SPHKAP: variants seen among roughly 807,000 people sequenced by gnomAD.
SPHKAP encodes A-kinase anchor protein SPHKAP.
A neutral mutation model predicts 137.5 loss-of-function variants in SPHKAP; 67 were observed. The ratio of observed to expected loss-of-function variants is 0.49; its 90% confidence interval spans 0.40 to 0.60. The LOEUF is 0.60. Ranked by LOEUF, SPHKAP falls within the 20% of genes least tolerant of loss-of-function variation. The pLI is 0.00. For missense variants in SPHKAP, 2,097 were observed against 2,069.3 expected, an observed-to-expected ratio of 1.01 and a Z score of -0.26; for synonymous variants, 813 against 785.3, an observed-to-expected ratio of 1.04 and a Z score of -0.59.
chr2:228,037,593 C>A lies in SPHKAP; in HGVS notation c.247-10050G>T, dbSNP rs970784113. 2.0e-5 allele frequency among the ~76,000 whole-genome samples: 3 copies of A among 152,280 alleles called. No individual in the cohort carries two copies. The East Asian group carries it at 5.8e-4, about 29-fold the overall frequency. ...GACCTGAAGCTACATAAATATATCT[C>A]ATGTAAACAGAACCCCCCTCAATTT... On this transcript the variant is annotated intron_variant, in intron 3 of 11. Transcript: ENST00000392056.
chr2:228,085,599 T>C (rs1333307044), intron 3 of SPHKAP, among the ~76,000 whole-genome samples: 3 of 152,182 alleles, frequency 2.0e-5, no homozygotes, highest in East Asian at 1.9e-4. Context: ...GGTCAACACA[T>C]GTCATATTAA....
chr2:228,134,656 T>C (rs1699379050), intron 1 of SPHKAP, among the ~76,000 whole-genome samples: 1 of 152,188 alleles, frequency 6.6e-6, no homozygotes, highest in Non-Finnish European at 1.5e-5. Context: ...GATAAGGCCA[T>C]GCACCAAGCT....
rs145592274 is a variant in SPHKAP at position 228,056,566 on chromosome 2, G to A, written c.247-29023C>T. On this transcript the variant is annotated intron_variant, in intron 3 of 11. Coordinates refer to ENST00000392056, the MANE Select transcript of SPHKAP (RefSeq NM_001142644.2). ...TTTTTCAGTTCAAAATCTGAACAAG[G>A]GGATAAAGTAAATGAGCAAAAAAAA... 2.3e-3 allele frequency among the ~76,000 whole-genome samples: 341 copies of A among 150,092 alleles called. 1 individual carries two copies. The highest frequency in any genetic ancestry group is 4.5e-3 in the Non-Finnish European group (308 of 67,732).
chr2:228,133,362 T>G, intron 1 of SPHKAP, among the ~76,000 whole-genome samples: 1 of 151,654 alleles, frequency 6.6e-6, no homozygotes, highest in Non-Finnish European at 1.5e-5. Context: ...ACTTCTACAT[T>G]TTCAACACGT....
Position 228,021,914 on chromosome 2 carries a change from G to C in SPHKAP, c.494C>G (p.Pro165Arg). The C allele has an allele frequency of 6.2e-7, 1 of 1,613,922 alleles. No individual in the cohort carries two copies. Among genetic ancestry groups the C allele is most frequent in the Non-Finnish European group, 8.5e-7 (1 of 1,179,930 alleles). The change falls in exon 6 of 12, where the codon CCA (proline) becomes CGA (arginine). Residue 165 changes from proline to arginine, a missense_variant. Coordinates refer to ENST00000392056, the MANE Select transcript of SPHKAP (RefSeq NM_001142644.2). Reference sequence around the variant, plus strand: ...AAAGATGATGCAGTTGGTACTGTTTGGTCTGTTCCCTCTTGCACATTGGAC... The same window carrying C: ...AAAGATGATGCAGTTGGTACTGTTTCGTCTGTTCCCTCTTGCACATTGGAC... ...CLVQCARGNR[P>R]NSTNCIIFEI... is the part of the protein sequence containing the mutation.
chr2:227,999,669 A>G (rs1386757279), intron 7 of SPHKAP, among the ~76,000 whole-genome samples: 2 of 152,254 alleles, frequency 1.3e-5, no homozygotes, highest in Non-Finnish European at 2.9e-5. Context: ...TTCATGCTCT[A>G]TTTAAAGTAA....
intron 3 of SPHKAP, among the ~76,000 whole-genome samples, chr2:228,089,668 C>T (rs1466772358): frequency 2.0e-5 from 3 of 152,180 alleles, no homozygotes; most frequent in Non-Finnish European, 4.4e-5. Flanking sequence ...CAGGGGCAGG[C>T]ACAGGGCACC....
chr2:228,108,824 G>A lies in SPHKAP; in HGVS notation c.246+8C>T. 1 of 1,596,424 alleles carries A rather than the reference G, an allele frequency of 6.3e-7. No individual in the cohort carries two copies. The highest frequency in any genetic ancestry group is 8.5e-7 in the Non-Finnish European group (1 of 1,170,212). On this transcript the variant is annotated splice_region_variant and intron_variant, in intron 3 of 11. Coordinates refer to ENST00000392056, the MANE Select transcript of SPHKAP (RefSeq NM_001142644.2). ...TCAGACAACATCCCAAGAATTCTGT[G>A]TACTTACAGAAGCACAGTTTTCAGA...
chr2:228,170,814 C>T (rs765447448), intron 1 of SPHKAP, among the ~76,000 whole-genome samples: 12 of 152,030 alleles, frequency 7.9e-5, no homozygotes, highest in African/African-American at 2.7e-4. Context: ...CCTACCATAT[C>T]GCTGGGGTAT....
chr2:228,016,815 A>G lies in SPHKAP; in HGVS notation c.4039T>C (p.Cys1347Arg), dbSNP rs141269145. Residue 1347 changes from cysteine (C) to arginine (R), a missense_variant, in exon 7 of 12, where the codon TGT becomes CGT. Transcript: ENST00000392056. ...SGGSPSQAEK[C>R]ANRLAASRMC... Reference sequence around the variant, plus strand: ...CTGCTCGCAGCTAATCTATTTGCACACTTCTCTGCTTGCGAGGGAGAGCCA... The same window carrying G: ...CTGCTCGCAGCTAATCTATTTGCACGCTTCTCTGCTTGCGAGGGAGAGCCA... 22 of 1,613,954 alleles carry G rather than the reference A, an allele frequency of 1.4e-5. No individual in the cohort carries two copies. Among genetic ancestry groups the G allele is most frequent in the East Asian group, 6.7e-5 (3 of 44,856 alleles).
chr2:228,039,215 C>T (rs898385795), intron 3 of SPHKAP, among the ~76,000 whole-genome samples: 3 of 152,210 alleles, frequency 2.0e-5, no homozygotes, highest in Admixed American at 6.5e-5. Flanking sequence ...CGAAAGAACA[C>T]GAGCACTTCT....
At chr2:228,059,541 G>A (rs1040665050) in intron 3 of SPHKAP, among the ~76,000 whole-genome samples, 2 of 152,204 alleles carry the variant, frequency 1.3e-5, no homozygotes, top group African/African-American at 4.8e-5. Context: ...AGGAGAGAGG[G>A]AGGGAAAGAA....
At chr2:228,094,419 A>G (rs1488609502) in intron 3 of SPHKAP, among the ~76,000 whole-genome samples, 2 of 152,194 alleles carry the variant, frequency 1.3e-5, no homozygotes, top group Non-Finnish European at 2.9e-5. Context: ...CGATTTCACA[A>G]ATGGAAGCTT....
At chr2:228,101,330 T>A (rs1698176159) in intron 3 of SPHKAP, among the ~76,000 whole-genome samples, 1 of 152,248 alleles carries the variant, frequency 6.6e-6, no homozygotes, top group Non-Finnish European at 1.5e-5. Flanking sequence ...CTGTTTAACA[T>A]ACATGTACAA....
At position 228,017,427 on chromosome 2, in the gene SPHKAP, C is replaced by T; in HGVS notation, c.3427G>A (p.Gly1143Arg). The change falls in exon 7 of 12, where the codon GGA becomes AGA. Residue 1143 changes from glycine (G) to arginine (R), a missense_variant. Coordinates refer to ENST00000392056, the MANE Select transcript of SPHKAP (RefSeq NM_001142644.2). The stretch of plus-strand genomic sequence containing the variant: ...TAGTAATCCAGCAGTAACTCAAATC[C>T]TCTCCCTTCATTTTCCATCTGGTTC... ...MVNQMENEGR[G>R]FELLLDYYAG... 2 of 1,614,038 alleles carry T rather than the reference C, an allele frequency of 1.2e-6. No individual in the cohort carries two copies. The highest frequency in any genetic ancestry group is 1.7e-6 in the Non-Finnish European group (2 of 1,180,010).
In SPHKAP at chr2:228,076,100, C is replaced by T. The variant is rs547513848; in HGVS notation, c.246+32732G>A. ...AAATGGGAGTTTCCCTGCACAAGCC[C>T]TCTTTGCCTGCTGCCATCCACATAA... is the stretch of plus-strand genomic sequence containing the variant. On this transcript the variant is annotated intron_variant, in intron 3 of 11. Transcript: ENST00000392056. Among the ~76,000 whole-genome samples the T allele has an allele frequency of 1.0e-3, 157 of 152,306 alleles. 1 individual carries two copies. Among genetic ancestry groups the T allele is most frequent in the African/African-American group, 3.3e-3 (139 of 41,558 alleles).
At chr2:228,141,335 A>G (rs144513505) in intron 1 of SPHKAP, among the ~76,000 whole-genome samples, 1 of 152,314 alleles carries the variant, frequency 6.6e-6, no homozygotes, top group South Asian at 2.1e-4. Context: ...TGGTGGTTTC[A>G]TGGTGCTATT....
chr2:228,018,622 C>G lies in SPHKAP; in HGVS notation c.2232G>C (p.Arg744Ser). The G allele has an allele frequency of 6.2e-7, 1 of 1,614,066 alleles. No homozygotes were observed. Among genetic ancestry groups the G allele is most frequent in the Non-Finnish European group, 8.5e-7 (1 of 1,180,020 alleles). The change falls in exon 7 of 12, where the codon AGG becomes AGC. Residue 744 changes from arginine (R) to serine (S), a missense_variant. By Grantham distance (110) the Arg-to-Ser change is moderately radical. Coordinates refer to ENST00000392056, the MANE Select transcript of SPHKAP (RefSeq NM_001142644.2). ...PAVLSKETIR[R>S]RETEPSCQPS... ...GCTGGCAGCTTGGTTCTGTCTCCCT[C>G]CTTCTGATGGTCTCCTTAGAAAGGA...
chr2:228,023,795 C>G (rs746958021), intron 5 of SPHKAP, among the ~76,000 whole-genome samples: 2 of 152,188 alleles, frequency 1.3e-5, no homozygotes, highest in African/African-American at 4.8e-5. Flanking sequence ...GGAGTTGATT[C>G]ACTTCCAGCG....
Sources: allele counts gnomAD v4.1 joint callset (sites outside exome capture counted in the v4.1 genomes callset), GRCh38; gene constraint gnomAD v4.1.1; transcripts MANE v1.5; gene names NCBI Gene and HGNC (gene_info 2026-07-23, HGNC 2026-07-21).